The following GPC5 variants were observed in gnomAD, a reference collection of about 807,000 sequenced individuals.
The protein encoded by GPC5 is glypican 5, also known as glypican-5.
Under a neutral mutation model 53.9 loss-of-function variants are expected in GPC5, and 47 were observed. That is an observed-to-expected ratio of 0.87 (90% confidence interval 0.69 to 1.11). The LOEUF is 1.11. Ranked by LOEUF, GPC5 falls within the 50% of genes most tolerant of loss-of-function variation. The pLI, the probability that GPC5 is intolerant of heterozygous loss-of-function variation, is 0.00. For missense variants in GPC5, 748 were observed against 713.1 expected (o/e 1.05, Z -0.56); for synonymous variants, 286 against 263.3 (o/e 1.09, Z -0.84).
chr13:92,814,268 G>A (rs1182743794), intron 7 of GPC5, among the ~76,000 whole-genome samples: 1 of 151,836 alleles, frequency 6.6e-6, no homozygotes, highest in Non-Finnish European at 1.5e-5. Flanking sequence ...ACTCCCAGAG[G>A]AAAACATAGG....
At chr13:92,748,337 T>TATC (rs1889292899) in intron 7 of GPC5, among the ~76,000 whole-genome samples, 1 of 148,486 alleles carries the variant, frequency 6.7e-6, no homozygotes. Context: ...TTATTATTAT[T>TATC]ATTATTATTA....
intron 2 of GPC5, among the ~76,000 whole-genome samples, chr13:91,479,864 C>T (rs917736384): frequency 4.0e-5 from 6 of 151,634 alleles, no homozygotes; most frequent in South Asian, 2.1e-4. Flanking sequence ...AATTATTTTC[C>T]GTGGCACTTA....
intron 2 of GPC5, among the ~76,000 whole-genome samples, chr13:91,687,437 A>T (rs2035646785): frequency 6.6e-6 from 1 of 152,040 alleles, no homozygotes; most frequent in Admixed American, 6.6e-5. Context: ...TCATTAAATT[A>T]AGATTAACGG....
rs536189934 is a variant in GPC5, at chr13:92,480,165, A to G, written c.1561+335176A>G. Among the ~76,000 whole-genome samples the G allele has an allele frequency of 9.4e-4, 143 of 152,248 alleles. 3 individuals are homozygous for G. The highest frequency in any genetic ancestry group is 3.2e-3 in the African/African-American group (133 of 41,560). On this transcript the variant is annotated intron_variant, in intron 7 of 7. Coordinates refer to ENST00000377067, the MANE Select transcript of GPC5 (RefSeq NM_004466.6). Reference sequence around the variant, plus strand: ...TACAAAGTAGAAAAATCAGAGTGAAATAGAATCTTCAATACAAACAGTAGG... The same window carrying G: ...TACAAAGTAGAAAAATCAGAGTGAAGTAGAATCTTCAATACAAACAGTAGG...
intron 7 of GPC5, among the ~76,000 whole-genome samples, chr13:92,701,944 G>C (rs905001666): frequency 6.6e-6 from 1 of 152,066 alleles, no homozygotes; most frequent in Non-Finnish European, 1.5e-5. Flanking sequence ...TTAAATGTCA[G>C]GGGACAGGAT....
intron 5 of GPC5, among the ~76,000 whole-genome samples, chr13:91,822,879 T>A (rs1481988377): frequency 3.9e-5 from 6 of 152,194 alleles, no homozygotes; most frequent in African/African-American, 1.4e-4. Context: ...TCTTCCTCTT[T>A]ATAAAGTTTT....
intron 5 of GPC5, among the ~76,000 whole-genome samples, chr13:91,854,740 T>C (rs2038949229): frequency 6.6e-6 from 1 of 151,878 alleles, no homozygotes; most frequent in South Asian, 2.1e-4. Context: ...ATGCTTATTT[T>C]CACTTTTAAA....
At chr13:92,075,964 ATGC>A (rs2041248489) in intron 6 of GPC5, among the ~76,000 whole-genome samples, 1 of 152,202 alleles carries the variant, frequency 6.6e-6, no homozygotes. Flanking sequence ...TTGTATCAAG[ATGC>A]TGATTTTCTA....
intron 6 of GPC5, among the ~76,000 whole-genome samples, chr13:91,959,056 CA>C (rs1364320561): frequency 1.0e-5 from 1 of 96,486 alleles, no homozygotes; most frequent in Non-Finnish European, 2.0e-5. Flanking sequence ...AGAATGGAGA[CA>C]ACACACACAC....
At chr13:92,150,121 C>CT (rs1434573678) in intron 7 of GPC5, among the ~76,000 whole-genome samples, 2 of 151,690 alleles carry the variant, frequency 1.3e-5, no homozygotes, top group Non-Finnish European at 3.0e-5. Flanking sequence ...TTCAATAAGG[C>CT]TTATCATTTA....
intron 7 of GPC5, among the ~76,000 whole-genome samples, chr13:92,290,036 A>G (rs2042982594): frequency 6.6e-6 from 1 of 152,162 alleles, no homozygotes; most frequent in Non-Finnish European, 1.5e-5. Context: ...GCACACATCC[A>G]GTTTATGATA....
At chr13:92,176,852 C>A (rs1215195768) in intron 7 of GPC5, among the ~76,000 whole-genome samples, 1 of 152,190 alleles carries the variant, frequency 6.6e-6, no homozygotes, top group Non-Finnish European at 1.5e-5. Flanking sequence ...TCTTTACATA[C>A]TGTATCTACA....
At chr13:92,009,809 C>G (rs1251453091) in intron 6 of GPC5, among the ~76,000 whole-genome samples, 1 of 152,146 alleles carries the variant, frequency 6.6e-6, no homozygotes, top group Non-Finnish European at 1.5e-5. Context: ...CAATTAAGGA[C>G]TCACCTTTTT....
At chr13:92,218,429 G>C (rs1346920721) in intron 7 of GPC5, among the ~76,000 whole-genome samples, 2 of 152,060 alleles carry the variant, frequency 1.3e-5, no homozygotes, top group Non-Finnish European at 2.9e-5. Flanking sequence ...AATATTTCTA[G>C]AACTTTCCCT....
intron 7 of GPC5, among the ~76,000 whole-genome samples, chr13:92,803,024 G>A (rs977534224): frequency 2.0e-5 from 3 of 151,832 alleles, no homozygotes; most frequent in African/African-American, 7.3e-5. Context: ...ATGTAGGCTG[G>A]AATAGTCTAA....
chr13:92,587,343 T>A (rs988821367), intron 7 of GPC5, among the ~76,000 whole-genome samples: 2 of 152,164 alleles, frequency 1.3e-5, no homozygotes, highest in Non-Finnish European at 2.9e-5. Context: ...TGGAGGTACA[T>A]GGGAATTAGT....
intron 7 of GPC5, among the ~76,000 whole-genome samples, chr13:92,301,905 T>G (rs561120151): frequency 1.3e-5 from 2 of 151,854 alleles, no homozygotes; most frequent in East Asian, 3.9e-4. Flanking sequence ...CAAAAATAAA[T>G]AAATAAATTA....
At chr13:91,790,735 A>T (rs1053037731) in intron 5 of GPC5, among the ~76,000 whole-genome samples, 7 of 152,228 alleles carry the variant, frequency 4.6e-5, no homozygotes, top group African/African-American at 1.7e-4. Flanking sequence ...TGTATTGTAA[A>T]TGTAGTAGAA....
Position 91,398,628 on chromosome 13 carries a change from G to C in GPC5, c.-419G>C, listed in dbSNP as rs1876643462. On this transcript the variant is annotated 5_prime_UTR_variant, in exon 1 of 8. Coordinates refer to ENST00000377067, the MANE Select transcript of GPC5 (RefSeq NM_004466.6). ...AGCGCAGCGAGCGGGCACATCCCAG[G>C]TTAGCTGCTGCGAGCCGAGCCGGGC... 2.7e-5 allele frequency: 5 copies of C among 187,846 alleles called. No individual in the cohort carries two copies. In the South Asian group the frequency reaches 6.3e-4, roughly 24 times the overall value. 11.6% of individuals were successfully genotyped at this position (187,846 alleles called of 1,614,324 possible).
Sources: allele counts gnomAD v4.1 joint callset (sites outside exome capture counted in the v4.1 genomes callset), GRCh38; gene constraint gnomAD v4.1.1; transcripts MANE v1.5; gene names NCBI Gene and HGNC (gene_info 2026-07-23, HGNC 2026-07-21).